Variants in TBC1D19 observed in about 807,000 individuals in gnomAD.
TBC1D19 encodes the protein TBC1 domain family member 19, also known as TBC1 domain family, member 19.
In TBC1D19, 60 loss-of-function variants were observed where a neutral mutation model predicts 89.0. The ratio of observed to expected loss-of-function variants is 0.67; its 90% CI spans 0.55 to 0.84. TBC1D19 has a LOEUF of 0.84. Ranked by LOEUF, TBC1D19 falls within the 40% of genes least tolerant of loss-of-function variation. The pLI is 0.00. For missense variants in TBC1D19, 500 were observed against 610.8 expected, an observed-to-expected ratio of 0.82 and a Z score of 1.91; for synonymous variants, 189 against 199.7, an observed-to-expected ratio of 0.95 and a Z score of 0.45.
chr4:26,678,477 G>A (rs910896504), intron 11 of TBC1D19, among the ~76,000 whole-genome samples: 2 of 151,900 alleles, frequency 1.3e-5, no homozygotes, highest in Admixed American at 6.6e-5. Flanking sequence ...TATGTAAGAG[G>A]TGGGCAGGGA....
At chr4:26,684,566 T>C (rs967956967) in intron 12 of TBC1D19, among the ~76,000 whole-genome samples, 2 of 152,236 alleles carry the variant, frequency 1.3e-5, no homozygotes, top group Non-Finnish European at 2.9e-5. Context: ...AGCTCATAAC[T>C]GTGTTACATA....
chr4:26,770,066 A>G, the TBC1D19 span, among the ~76,000 whole-genome samples: 2 of 132,006 alleles, frequency 1.5e-5, no homozygotes, highest in South Asian at 2.2e-4. Context: ...AGAAAAATAG[A>G]AAAAAAAAAC....
chr4:26,626,793 A>G (rs537873871), intron 4 of TBC1D19, among the ~76,000 whole-genome samples: 1 of 150,466 alleles, frequency 6.6e-6, no homozygotes, highest in South Asian at 2.1e-4. Flanking sequence ...AAAATTTCCA[A>G]TACCTTGAGG....
intron 1 of TBC1D19, among the ~76,000 whole-genome samples, chr4:26,595,132 T>A (rs558929052): frequency 6.8e-4 from 104 of 152,362 alleles, no homozygotes; most frequent in African/African-American, 2.4e-3. Flanking sequence ...ATTTTAGCCA[T>A]CTTAATGTGT....
intron 18 of TBC1D19, among the ~76,000 whole-genome samples, chr4:26,747,614 T>C (rs1375725979): frequency 6.6e-6 from 1 of 152,188 alleles, no homozygotes; most frequent in Non-Finnish European, 1.5e-5. Context: ...GTTTAGCTAG[T>C]ACCTGTCAGG....
At chr4:26,576,701 G>A (rs928724487) in exon 1 of TBC1D19, 6 of 456,008 alleles carry the variant, frequency 1.3e-5, no homozygotes, top group African/African-American at 1.2e-4. Flanking sequence ...TTCACGGACA[G>A]AAGAACAACA....
chr4:26,784,790 GAAGAA>G, the TBC1D19 span, among the ~76,000 whole-genome samples: 110 of 152,184 alleles, frequency 7.2e-4, no homozygotes, highest in Non-Finnish European at 1.4e-3. Flanking sequence ...GAATTTATGA[GAAGAA>G]AAGTAGTTCT....
intron 13 of TBC1D19, among the ~76,000 whole-genome samples, chr4:26,710,366 A>G (rs1299543901): frequency 6.6e-6 from 1 of 152,070 alleles, no homozygotes; most frequent in African/African-American, 2.4e-5. Flanking sequence ...TGAACTCATC[A>G]TTTTTTATGG....
chr4:26,788,899 C>T, the TBC1D19 span, among the ~76,000 whole-genome samples: 6 of 152,236 alleles, frequency 3.9e-5, no homozygotes, highest in Non-Finnish European at 5.9e-5. Flanking sequence ...CGCTGAGCTA[C>T]TGGCCTTCTT....
intron 13 of TBC1D19, 25 bp from the exon 14 acceptor site, chr4:26,717,908 A>AT (rs749915443): frequency 3.9e-5 from 61 of 1,572,528 alleles, no homozygotes; most frequent in Middle Eastern, 1.7e-4. Context: ...CTTAATTGCT[A>AT]TTTTTTTTCC....
chr4:26,711,400 T>A (rs1716179494), intron 13 of TBC1D19, among the ~76,000 whole-genome samples: 1 of 152,050 alleles, frequency 6.6e-6, no homozygotes, highest in Admixed American at 6.6e-5. Flanking sequence ...GTATCACAAA[T>A]GAAAAAAATT....
At chr4:26,836,161 G>A in the TBC1D19 span, among the ~76,000 whole-genome samples, 3 of 152,072 alleles carry the variant, frequency 2.0e-5, no homozygotes, top group Non-Finnish European at 2.9e-5. Flanking sequence ...CTGACACTTC[G>A]ACCTCCCCTG....
intron 7 of TBC1D19, among the ~76,000 whole-genome samples, chr4:26,656,370 T>C (rs1744806221): frequency 1.3e-5 from 2 of 152,272 alleles, no homozygotes; most frequent in South Asian, 4.1e-4. Context: ...AACCATTCTT[T>C]ATTTAAATAA....
chr4:26,739,649 G>A (rs1168080559), intron 16 of TBC1D19, among the ~76,000 whole-genome samples: 3 of 151,856 alleles, frequency 2.0e-5, no homozygotes, highest in Non-Finnish European at 4.4e-5. Context: ...ATAATAGTTT[G>A]TAATATATTC....
chr4:26,825,838 G>A, the TBC1D19 span, among the ~76,000 whole-genome samples: 1 of 152,158 alleles, frequency 6.6e-6, no homozygotes, highest in Non-Finnish European at 1.5e-5. Flanking sequence ...GGATGAATAA[G>A]GCCATTGAAA....
At chr4:26,845,108 G>A in the TBC1D19 span, among the ~76,000 whole-genome samples, 5 of 152,130 alleles carry the variant, frequency 3.3e-5, no homozygotes, top group African/African-American at 1.2e-4. Context: ...TACGTGTCAA[G>A]TACAGGAAGG....
chr4:26,716,483 G>A (rs934043486), intron 13 of TBC1D19, among the ~76,000 whole-genome samples: 4 of 152,070 alleles, frequency 2.6e-5, no homozygotes, highest in East Asian at 1.9e-4. Flanking sequence ...AACTAAAGGC[G>A]TACATATTTA....
intron 4 of TBC1D19, among the ~76,000 whole-genome samples, chr4:26,630,893 G>A (rs1471967618): frequency 6.6e-6 from 1 of 152,028 alleles, no homozygotes; most frequent in African/African-American, 2.4e-5. Flanking sequence ...ACTTAATTAA[G>A]ATTAGAGTTC....
downstream of TBC1D19, among the ~76,000 whole-genome samples, chr4:26,759,549 T>C (rs1719391709): frequency 6.6e-6 from 1 of 152,156 alleles, no homozygotes; most frequent in Admixed American, 6.6e-5. Flanking sequence ...TATACCCATG[T>C]CACCACCACC....
Sources: gnomAD v4.1 joint callset for allele counts (sites outside exome capture counted in the v4.1 genomes callset) on GRCh38, gnomAD v4.1.1 for gene constraint, MANE v1.5 for transcripts, NCBI Gene and HGNC (gene_info 2026-07-23, HGNC 2026-07-21) for gene names.